Variants in PARP4 observed in about 807,000 individuals in gnomAD.
PARP4 encodes poly(ADP-ribose) polymerase family member 4, also known as protein mono-ADP-ribosyltransferase PARP4.
In PARP4, 120 loss-of-function variants were observed where a neutral mutation model predicts 187.7. The observed-to-expected ratio is 0.64, with a 90% CI of 0.55 to 0.74. The LOEUF (loss-of-function observed/expected upper bound fraction) is 0.74, where lower values mean the gene tolerates loss of function less well. PARP4 is among the 30% of genes least tolerant of loss of function. The probability of loss-of-function intolerance (pLI) is 0.00; values close to 1 mark genes in which losing one functional copy is unlikely to be tolerated. For missense variants in PARP4, 1,836 were observed against 2,070.5 expected (o/e 0.89, Z 2.20); for synonymous variants, 654 against 740.9 (o/e 0.88, Z 1.90).
chr13:24,503,830 A>T, intron 1 of PARP4, 53 bp from the exon 2 acceptor site: 1 of 1,479,396 alleles, frequency 6.8e-7, no homozygotes, highest in Admixed American at 1.8e-5. Context: ...ATGACAGTGA[A>T]TTTAGAATTA....
chr13:24,488,429 C>A (rs1490042339), intron 10 of PARP4, among the ~76,000 whole-genome samples: 1 of 152,190 alleles, frequency 6.6e-6, no homozygotes, highest in Non-Finnish European at 1.5e-5. Flanking sequence ...TCCTGGCTCA[C>A]TGCAACCTCC....
At chr13:24,424,006 T>C (rs1869892488) in intron 33 of PARP4, among the ~76,000 whole-genome samples, 1 of 152,040 alleles carries the variant, frequency 6.6e-6, no homozygotes, top group Non-Finnish European at 1.5e-5. Flanking sequence ...GATGGCAGTC[T>C]CATTGGTTAC....
At chr13:24,441,421 C>T (rs1870919179) in intron 30 of PARP4, among the ~76,000 whole-genome samples, 1 of 152,250 alleles carries the variant, frequency 6.6e-6, no homozygotes, top group African/African-American at 2.4e-5. Flanking sequence ...TTATTTAAGC[C>T]ACATTTTTCC....
At chr13:24,428,366 T>C (rs1457924892) in intron 32 of PARP4, among the ~76,000 whole-genome samples, 2 of 152,220 alleles carry the variant, frequency 1.3e-5, no homozygotes, top group African/African-American at 2.4e-5. Context: ...CTCTGCTCAG[T>C]CCACCTTCTT....
intron 12 of PARP4, among the ~76,000 whole-genome samples, chr13:24,484,156 C>G (rs1287603939): frequency 6.6e-6 from 1 of 152,030 alleles, no homozygotes; most frequent in East Asian, 1.9e-4. Flanking sequence ...TGTCACAATA[C>G]CAATTATGAG....
chr13:24,444,093 G>A (rs1871086931), intron 27 of PARP4, among the ~76,000 whole-genome samples: 1 of 152,234 alleles, frequency 6.6e-6, no homozygotes, highest in Admixed American at 6.5e-5. Context: ...GAGCCACCTT[G>A]GCCCTGGGAT....
intron 12 of PARP4, among the ~76,000 whole-genome samples, chr13:24,481,977 C>T (rs1873304838): frequency 6.6e-6 from 1 of 152,248 alleles, no homozygotes. Context: ...TTGCTATTCT[C>T]CTTGCCCTTA....
At chr13:24,459,889 C>T (rs1872113330) in intron 18 of PARP4, 83 bp downstream of exon 18, 2 of 1,134,362 alleles carry the variant, frequency 1.8e-6, no homozygotes, top group Non-Finnish European at 2.5e-6. Flanking sequence ...GTTTTTCTCC[C>T]CAGGCATAAA....
intron 30 of PARP4, among the ~76,000 whole-genome samples, chr13:24,439,694 T>A (rs758574437): frequency 6.6e-6 from 1 of 152,166 alleles, no homozygotes; most frequent in Non-Finnish European, 1.5e-5. Context: ...GAAGCACATA[T>A]AAGATAAGTA....
At chr13:24,433,707 A>C (rs539690565) in intron 31 of PARP4, among the ~76,000 whole-genome samples, 1 of 151,960 alleles carries the variant, frequency 6.6e-6, no homozygotes, top group East Asian at 2.0e-4. Flanking sequence ...TATCTCCACT[A>C]TATGGATGAG....
At position 24,488,325 on chromosome 13, in the gene PARP4, C is replaced by CA. The variant is rs1481795841; in HGVS notation, c.1215-2021dup. 2.0e-5 allele frequency among the ~76,000 whole-genome samples: 3 copies of CA among 152,256 alleles called. No individual in the cohort carries two copies. The East Asian group carries it at 5.8e-4, about 29-fold the overall frequency. On this transcript the variant is annotated intron_variant, in intron 10 of 33. Transcript: ENST00000381989. ...AAGTCAAACCAAAAGAATTTGATTA[C>CA]ATATAAAAACAAAATCTGGAGAAGG... is the stretch of plus-strand genomic sequence containing the variant.
At chr13:24,493,261 C>A (rs1008149077) in intron 8 of PARP4, among the ~76,000 whole-genome samples, 2 of 152,186 alleles carry the variant, frequency 1.3e-5, no homozygotes, top group African/African-American at 2.4e-5. Context: ...GCGGTTAAGG[C>A]ATCTGACTGG....
intron 1 of PARP4, among the ~76,000 whole-genome samples, chr13:24,504,144 G>A (rs1869467915): frequency 6.6e-6 from 1 of 151,908 alleles, no homozygotes. Flanking sequence ...GAAACCATGG[G>A]TTTCTTTAAT....
chr13:24,458,976 T>C (rs963275265), intron 20 of PARP4, 68 bp downstream of exon 20: 15 of 1,095,532 alleles, frequency 1.4e-5, no homozygotes, highest in Non-Finnish European at 1.9e-5. Context: ...ACCACGTGCA[T>C]ACATTGCTTT....
At chr13:24,466,525 T>C (rs1306940594) in intron 17 of PARP4, among the ~76,000 whole-genome samples, 1 of 152,082 alleles carries the variant, frequency 6.6e-6, no homozygotes, top group Non-Finnish European at 1.5e-5. Flanking sequence ...CTGGGCGCAG[T>C]GGCTCACGTC....
chr13:24,490,869 T>C (rs1434385767), intron 9 of PARP4, 41 bp from the exon 10 acceptor site: 2 of 1,509,926 alleles, frequency 1.3e-6, no homozygotes, highest in Admixed American at 3.6e-5. Flanking sequence ...AATCACCACA[T>C]ATCAAAATTA....
intron 20 of PARP4, among the ~76,000 whole-genome samples, chr13:24,457,449 A>C (rs1315690984): frequency 6.6e-6 from 1 of 152,168 alleles, no homozygotes; most frequent in Admixed American, 6.5e-5. Flanking sequence ...GTGTCCATGC[A>C]ACGGGCCTGG....
chr13:24,455,510 A>AT (rs1871788394), intron 21 of PARP4, among the ~76,000 whole-genome samples: 1 of 83,098 alleles, frequency 1.2e-5, no homozygotes, highest in African/African-American at 3.9e-5. Context: ...TATATATCAC[A>AT]CTATTCTAAG....
chr13:24,438,221 T>C (rs9511265), intron 30 of PARP4, among the ~76,000 whole-genome samples: 52,098 of 152,114 alleles, frequency 0.34, 9,065 homozygotes, highest in Middle Eastern at 0.39. Flanking sequence ...AGGCAATTTT[T>C]CCATGGACAG....
Sources: gnomAD v4.1 joint callset for allele counts (sites outside exome capture counted in the v4.1 genomes callset) on GRCh38, gnomAD v4.1.1 for gene constraint, MANE v1.5 for transcripts, NCBI Gene and HGNC (gene_info 2026-07-23, HGNC 2026-07-21) for gene names.